Variants in SH3TC1 observed in about 807,000 individuals in gnomAD.
SH3TC1 encodes SH3 domain and tetratricopeptide repeats 1, also known as SH3 domain and tetratricopeptide repeat-containing protein 1.
In SH3TC1, 135 loss-of-function variants were observed where a neutral mutation model predicts 117.3. The ratio of observed to expected loss-of-function variants is 1.15; its 90% CI spans 1.00 to 1.33. SH3TC1 has a LOEUF of 1.33. Among genes scored for constraint, SH3TC1 ranks in the 40% most tolerant of loss-of-function variants. The pLI is 0.00. For synonymous variants in SH3TC1, 898 were observed against 816.9 expected (o/e 1.10, Z -1.69); for missense variants, 2,092 against 1,794.3 (o/e 1.17, Z -3.00).
intron 1 of SH3TC1, among the ~76,000 whole-genome samples, chr4:8,189,018 G>A (rs976323731): frequency 3.3e-5 from 5 of 152,246 alleles, no homozygotes; most frequent in East Asian, 3.8e-4. Flanking sequence ...GCTGCAAGCC[G>A]GTGGTTCCCT....
In SH3TC1 at chr4:8,241,078, T is replaced by C. The variant is rs886341288; in HGVS notation, c.*123T>C. 43 of 1,367,740 alleles carry C rather than the reference T, an allele frequency of 3.1e-5. No individual in the cohort carries two copies. The South Asian group carries it at 3.2e-4, about 10-fold the overall frequency. The allele number at this position is 1,367,740 out of a possible 1,614,324, so 84.7% of individuals were successfully genotyped here. On this transcript the variant is annotated 3_prime_UTR_variant, in exon 18 of 18. Coordinates refer to ENST00000245105, the MANE Select transcript of SH3TC1 (RefSeq NM_018986.5). Reference sequence around the variant, plus strand: ...AACGCAGGGGCCAAATAGCAATAAATGGGTTTTGTTTTTTTTTTGCAATAA... The same window carrying C: ...AACGCAGGGGCCAAATAGCAATAAACGGGTTTTGTTTTTTTTTTGCAATAA...
chr4:8,218,239 C>G (rs1375342679), intron 7 of SH3TC1, 32 bp from the exon 8 acceptor site: 1 of 1,579,036 alleles, frequency 6.3e-7, no homozygotes, highest in Non-Finnish European at 8.7e-7. Context: ...ATCTGAAATC[C>G]CGCAGCAAAG....
intron 1 of SH3TC1, among the ~76,000 whole-genome samples, chr4:8,200,772 C>T (rs1040188167): frequency 3.3e-5 from 5 of 152,222 alleles, no homozygotes; most frequent in Non-Finnish European, 5.9e-5. Context: ...GGCGGCTCCT[C>T]CCTGCCTCTT....
At chr4:8,224,804 A>C (rs917270843) in intron 10 of SH3TC1, among the ~76,000 whole-genome samples, 1 of 152,146 alleles carries the variant, frequency 6.6e-6, no homozygotes, top group Non-Finnish European at 1.5e-5. Flanking sequence ...GGAAGCCGAG[A>C]GCGTGCTCCC....
chr4:8,214,200 T>G (rs1578679246), intron 4 of SH3TC1, among the ~76,000 whole-genome samples: 2 of 146,664 alleles, frequency 1.4e-5, no homozygotes, highest in African/African-American at 2.5e-5. Flanking sequence ...GCAGGTAGAG[T>G]GCTGAGGGGG....
chr4:8,222,714 A>G, intron 9 of SH3TC1, 126 bp from the exon 10 acceptor site: 1 of 1,184,680 alleles, frequency 8.4e-7, no homozygotes, highest in Non-Finnish European at 1.2e-6. Flanking sequence ...CTCTGTCTCT[A>G]CCCCTGGGCA....
intron 1 of SH3TC1, among the ~76,000 whole-genome samples, chr4:8,200,151 T>C (rs1717734631): frequency 1.3e-5 from 2 of 152,184 alleles, no homozygotes; most frequent in South Asian, 2.1e-4. Context: ...AAAGTGACGC[T>C]GGGGGGTGTT....
intron 1 of SH3TC1, among the ~76,000 whole-genome samples, chr4:8,203,468 G>A (rs1429415844): frequency 6.6e-6 from 1 of 152,052 alleles, no homozygotes; most frequent in South Asian, 2.1e-4. Context: ...AGTCTTGACC[G>A]CCTCTGGGTT....
intron 1 of SH3TC1, among the ~76,000 whole-genome samples, chr4:8,182,560 G>A (rs185784949): frequency 6.6e-6 from 1 of 152,328 alleles, no homozygotes; most frequent in Non-Finnish European, 1.5e-5. Context: ...GTGGAAAGGT[G>A]AGGTGCCAAG....
chr4:8,217,201 T>G (rs1314013989), intron 7 of SH3TC1, 34 bp downstream of exon 7: 3 of 1,564,626 alleles, frequency 1.9e-6, no homozygotes, highest in South Asian at 2.3e-5. Flanking sequence ...TGAGAGCTGT[T>G]GGCCTCGCTG....
At chr4:8,203,606 A>T (rs1417128908) in intron 1 of SH3TC1, among the ~76,000 whole-genome samples, 1 of 152,042 alleles carries the variant, frequency 6.6e-6, no homozygotes, top group Non-Finnish European at 1.5e-5. Context: ...CCTGTTTGGT[A>T]AAAAACTGAG....
At chr4:8,211,846 C>T (rs1578672433) in intron 3 of SH3TC1, among the ~76,000 whole-genome samples, 1 of 152,056 alleles carries the variant, frequency 6.6e-6, no homozygotes, top group South Asian at 2.1e-4. Flanking sequence ...GAGCACGTGC[C>T]CACCCCTGCG....
At chr4:8,231,772 G>A in intron 12 of SH3TC1, 1 of 606,532 alleles carries the variant, frequency 1.6e-6, no homozygotes, top group Non-Finnish European at 2.9e-6. Context: ...CCTCAGCCCT[G>A]GGAGTTGTAA....
rs765767944 is a variant in SH3TC1, at chr4:8,222,822, G to C, written c.1113-18G>C. Reference sequence around the variant, plus strand: ...TTGCAAATATGTTGTTTTGAATAAAGCACTTTATTTTTTCCAGGTTGGAAA... The same window carrying C: ...TTGCAAATATGTTGTTTTGAATAAACCACTTTATTTTTTCCAGGTTGGAAA... On this transcript the variant is annotated intron_variant, in intron 9 of 17. Transcript: ENST00000245105. 3 of 1,607,164 alleles carry C rather than the reference G, an allele frequency of 1.9e-6. No individual in the cohort carries two copies. In the African/African-American group the frequency reaches 4.0e-5, roughly 21 times the overall value.
intron 14 of SH3TC1, 35 bp from the exon 15 acceptor site, chr4:8,235,398 G>C: frequency 2.1e-6 from 3 of 1,452,940 alleles, no homozygotes; most frequent in Non-Finnish European, 2.7e-6. Flanking sequence ...ACCTCACCAG[G>C]TGTGGGTCTT....
At position 8,190,018 on chromosome 4, in the gene SH3TC1, T is replaced by G. The variant is rs1033721563; in HGVS notation, c.-57+7808T>G. Among the ~76,000 whole-genome samples the G allele has an allele frequency of 3.9e-5, 6 of 152,100 alleles. No individual in the cohort carries two copies. Among genetic ancestry groups the G allele is most frequent in the Admixed American group, 1.3e-4 (2 of 15,278 alleles). On this transcript the variant is annotated intron_variant, in intron 1 of 16. Transcript: ENST00000508641. This position sits in a 1 kb window ranked among gnomAD's most constrained non-coding sequence, Gnocchi z 4.7. ...ACTGGTGACCTGTGCCTGGGTAGTT[T>G]TGGGGAGCGCGGCGTGGGTGCGTTG...
intron 14 of SH3TC1, among the ~76,000 whole-genome samples, chr4:8,234,188 A>G (rs1485452129): frequency 7.3e-6 from 1 of 137,152 alleles, no homozygotes; most frequent in South Asian, 2.5e-4. Context: ...TCCATCATCC[A>G]TCCATTCATC....
At position 8,228,816 on chromosome 4, in the gene SH3TC1, C is replaced by G. The variant is rs1720847650; in HGVS notation, c.2950+172C>G. Among the ~76,000 whole-genome samples, 4 of 152,174 alleles carry G rather than the reference C, an allele frequency of 2.6e-5. No homozygotes were observed. In the South Asian group the frequency reaches 8.3e-4, roughly 32 times the overall value. ...GAGACAGGCAGTTCCCACGCAGGGC[C>G]AGGCCCTCTCTGCCCTACTGGGGGA... On this transcript the variant is annotated intron_variant, in intron 12 of 17. Coordinates refer to ENST00000245105, the MANE Select transcript of SH3TC1 (RefSeq NM_018986.5).
chr4:8,224,874 G>C (rs1301109962), intron 10 of SH3TC1: 9 of 394,450 alleles, frequency 2.3e-5, no homozygotes, highest in Middle Eastern at 6.7e-4. Context: ...CAGGGGTTGG[G>C]TGGGGTGGAG....
Sources: gnomAD v4.1 joint callset for allele counts (sites outside exome capture counted in the v4.1 genomes callset) on GRCh38, gnomAD v4.1.1 for gene constraint, Gnocchi (gnomAD v3.1) non-coding constraint, MANE v1.5 for transcripts, NCBI Gene and HGNC (gene_info 2026-07-23, HGNC 2026-07-21) for gene names.